The following RALB variants were observed in gnomAD, a reference collection of about 807,000 sequenced individuals.
RALB encodes RAS like proto-oncogene B, also known as ras-related protein Ral-B.
Under a neutral mutation model 21.3 loss-of-function variants are expected in RALB, and 16 were observed. That is an observed-to-expected ratio of 0.75 (90% CI 0.51 to 1.14). RALB has a LOEUF of 1.14. RALB is among the 50% of genes most tolerant of loss of function. The pLI is 0.00. For synonymous variants in RALB, 93 were observed against 96.1 expected (o/e 0.97, Z 0.19); for missense variants, 161 against 256.2 (o/e 0.63, Z 2.54).
rs562833694 is a variant in RALB, at chr2:120,263,521, G to A, written c.-48+10541G>A. Among the ~76,000 whole-genome samples, 11 of 152,274 alleles carry A rather than the reference G, an allele frequency of 7.2e-5. No homozygotes were observed. The South Asian group carries it at 1.0e-3, about 14-fold the overall frequency. On this transcript the variant is annotated intron_variant, in intron 1 of 4. Transcript: ENST00000272519. ...AACTTCTTTTAATAGGTATTCCTTC[G>A]TTTAATCTTCATAACAGTCCTAAGG... is the stretch of plus-strand genomic sequence containing the variant.
chr2:120,246,310 A>G (rs1229296596), intron 1 of RALB, among the ~76,000 whole-genome samples: 1 of 152,158 alleles, frequency 6.6e-6, no homozygotes, highest in African/African-American at 2.4e-5. Context: ...CTTGGGAGAC[A>G]GAGGGGCATC....
intron 1 of RALB, among the ~76,000 whole-genome samples, chr2:120,267,939 G>A (rs981256975): frequency 3.3e-5 from 5 of 151,976 alleles, no homozygotes; most frequent in South Asian, 2.1e-4. Flanking sequence ...TTACAGGCAC[G>A]AGCCACCATG....
intron 2 of RALB, among the ~76,000 whole-genome samples, chr2:120,283,418 C>T (rs1238201071): frequency 6.6e-6 from 1 of 152,172 alleles, no homozygotes. Context: ...ACCATTCAGA[C>T]TCTTTGTTCA....
At chr2:120,256,618 G>T (rs1418993966) in intron 1 of RALB, among the ~76,000 whole-genome samples, 1 of 152,098 alleles carries the variant, frequency 6.6e-6, no homozygotes, top group African/African-American at 2.4e-5. Flanking sequence ...TGCCATGATT[G>T]TAAGTTTCCT....
chr2:120,260,540 TGAG>T (rs141724407), intron 1 of RALB, among the ~76,000 whole-genome samples: 16 of 152,208 alleles, frequency 1.1e-4, no homozygotes, highest in African/African-American at 3.4e-4. Flanking sequence ...GTGGTGCAGA[TGAG>T]GAGGGAGCAA....
At chr2:120,241,118 C>T (rs561207514) in intron 1 of RALB, among the ~76,000 whole-genome samples, 7 of 152,318 alleles carry the variant, frequency 4.6e-5, no homozygotes, top group Admixed American at 2.0e-4. Flanking sequence ...TGAGACTGCC[C>T]AGTGGCGAAA....
chr2:120,240,424 ACAGGTGCATGC>A (rs1688875295), intron 1 of RALB, among the ~76,000 whole-genome samples: 1 of 151,932 alleles, frequency 6.6e-6, no homozygotes, highest in Admixed American at 6.5e-5. Flanking sequence ...AGCTGGGACT[ACAGGTGCATGC>A]CACCACATCT....
At chr2:120,262,281 C>T (rs1689384318) in intron 1 of RALB, among the ~76,000 whole-genome samples, 1 of 152,116 alleles carries the variant, frequency 6.6e-6, no homozygotes, top group East Asian at 1.9e-4. Flanking sequence ...AGGAAGGACA[C>T]ATATCTGGTC....
intron 1 of RALB, among the ~76,000 whole-genome samples, chr2:120,243,536 G>C (rs1005302024): frequency 3.9e-5 from 6 of 152,156 alleles, no homozygotes; most frequent in African/African-American, 1.2e-4. Flanking sequence ...TCCTCACTGG[G>C]GGATCTTTTC....
upstream of RALB, among the ~76,000 whole-genome samples, chr2:120,251,492 A>G (rs1415579513): frequency 6.6e-6 from 1 of 152,224 alleles, no homozygotes; most frequent in African/African-American, 2.4e-5. Context: ...TGGTGAAACT[A>G]AAGCCCACAG....
chr2:120,257,577 G>A (rs1689230867), intron 1 of RALB, among the ~76,000 whole-genome samples: 1 of 152,052 alleles, frequency 6.6e-6, no homozygotes, highest in Non-Finnish European at 1.5e-5. Context: ...CATTGATCAT[G>A]TTAAATTGCA....
At chr2:120,282,779 G>A (rs1690024653) in intron 2 of RALB, among the ~76,000 whole-genome samples, 1 of 152,086 alleles carries the variant, frequency 6.6e-6, no homozygotes, top group Admixed American at 6.6e-5. Context: ...GAAATGAAGT[G>A]ATGTATGTTT....
At chr2:120,261,623 C>T (rs1427815046) in intron 1 of RALB, among the ~76,000 whole-genome samples, 3 of 152,134 alleles carry the variant, frequency 2.0e-5, no homozygotes, top group African/African-American at 2.4e-5. Context: ...TTCTTTCCCT[C>T]GACAGCAGCA....
chr2:120,240,291 T>TA (rs1378764464), intron 1 of RALB, among the ~76,000 whole-genome samples: 1 of 142,514 alleles, frequency 7.0e-6, no homozygotes, highest in African/African-American at 2.9e-5. Flanking sequence ...ATTTTTATTT[T>TA]TATTTTTTTT....
At position 120,293,453 on chromosome 2, in the gene RALB, C is replaced by T; in HGVS notation, c.*193C>T. 9.3e-6 allele frequency: 4 copies of T among 431,742 alleles called. No individual in the cohort carries two copies. The highest frequency in any genetic ancestry group is 6.4e-4 in the Middle Eastern group (1 of 1,570). The allele number at this position is 431,742 out of a possible 1,614,324, so 26.7% of individuals were successfully genotyped here. A position where few individuals can be genotyped will look rare whatever the true frequency, so the allele number is the denominator to read the frequency against. ...AAATAAGCCCATGCAAGTGGAAGGG[C>T]TGCTTTGTCAGGAGGTTGTGGAATT... On this transcript the variant is annotated 3_prime_UTR_variant, in exon 5 of 5. Coordinates refer to ENST00000272519, the MANE Select transcript of RALB (RefSeq NM_002881.3).
At chr2:120,252,649 G>T (rs1689080356), upstream of RALB, 1 of 354,570 alleles carries the variant, frequency 2.8e-6, no homozygotes, top group African/African-American at 2.2e-5. Context: ...CAGGCGCGCT[G>T]GGCCCGCCCC....
intron 1 of RALB, among the ~76,000 whole-genome samples, chr2:120,243,213 T>C (rs1349032065): frequency 6.6e-6 from 1 of 152,156 alleles, no homozygotes; most frequent in Non-Finnish European, 1.5e-5. Context: ...CCTCATGCAC[T>C]CAAAACAAGA....
At chr2:120,252,776 G>A (rs1689084505), upstream of RALB, 1 of 985,350 alleles carries the variant, frequency 1.0e-6, no homozygotes, top group South Asian at 4.7e-5. Context: ...CGAGGAGAGG[G>A]CAAGAACGGA....
At chr2:120,242,723 G>A (rs949712962) in intron 1 of RALB, among the ~76,000 whole-genome samples, 13 of 152,084 alleles carry the variant, frequency 8.5e-5, no homozygotes, top group African/African-American at 3.1e-4. Flanking sequence ...GGGCGACAGA[G>A]CAAGACTGCA....
Sources: gnomAD v4.1 joint callset for allele counts (sites outside exome capture counted in the v4.1 genomes callset) on GRCh38, gnomAD v4.1.1 for gene constraint, MANE v1.5 for transcripts, NCBI Gene and HGNC (gene_info 2026-07-23, HGNC 2026-07-21) for gene names.